The following CUX2 variants were observed in gnomAD, a reference collection of about 807,000 sequenced individuals.
CUX2 encodes the protein homeobox protein cut-like 2.
A neutral mutation model predicts 144.8 loss-of-function variants in CUX2; 40 were observed. That is an observed-to-expected ratio of 0.28 (90% CI 0.21 to 0.36). CUX2 has a LOEUF of 0.36. CUX2 is among the 10% of genes least tolerant of loss of function. CUX2 has a pLI of 1.00. For missense variants in CUX2, 1,615 were observed against 1,994.0 expected (o/e 0.81, Z 3.62); for synonymous variants, 827 against 875.6 (o/e 0.94, Z 0.98).
chr12:111,334,417 C>T, intron 18 of CUX2, 24 bp from the exon 19 acceptor site: 1 of 1,551,376 alleles, frequency 6.4e-7, no homozygotes, highest in Non-Finnish European at 8.7e-7. Flanking sequence ...TAGTAACCAC[C>T]TTCTCTTTCT....
intron 1 of CUX2, among the ~76,000 whole-genome samples, chr12:111,058,676 C>T (rs1026782627): frequency 6.6e-6 from 1 of 152,146 alleles, no homozygotes; most frequent in African/African-American, 2.4e-5. Context: ...TTTTAGTGCA[C>T]CCTTGCAGAT....
Position 111,186,144 on chromosome 12 carries a change from A to G in CUX2, c.64-28056A>G, listed in dbSNP as rs116927390. ...TTTCGCTTTCACGTCCTCTCTCGGC[A>G]TTTCTCCTCTTTCCCACTCTCGGCA... On this transcript the variant is annotated intron_variant, in intron 1 of 21. Coordinates refer to ENST00000261726, the MANE Select transcript of CUX2 (RefSeq NM_015267.4). The surrounding 1 kb of genome is among the most constrained non-coding windows in gnomAD (Gnocchi z 4.4). 0.013 allele frequency among the ~76,000 whole-genome samples: 1,944 copies of G among 149,392 alleles called. 36 individuals carry two copies. Among genetic ancestry groups the G allele is most frequent in the Non-Finnish European group, 0.017 (1,150 of 67,670 alleles).
chr12:111,321,839 C>T (rs112767176), intron 17 of CUX2, among the ~76,000 whole-genome samples: 61 of 152,000 alleles, frequency 4.0e-4, no homozygotes, highest in African/African-American at 1.4e-3. Context: ...CAGGCAAGCT[C>T]GGAGGAGGGA....
At chr12:111,228,773 G>A (rs1882311773) in intron 3 of CUX2, among the ~76,000 whole-genome samples, 1 of 152,110 alleles carries the variant, frequency 6.6e-6, no homozygotes, top group African/African-American at 2.4e-5. Flanking sequence ...AATTCTGTGT[G>A]TCAGCAGACC....
chr12:111,061,561 C>G lies in CUX2; in HGVS notation c.63+27321C>G, dbSNP rs1870774937. On this transcript the variant is annotated intron_variant, in intron 1 of 21. Transcript: ENST00000261726. The surrounding 1 kb of genome is among the most constrained non-coding windows in gnomAD (Gnocchi z 4.2). ...ACACCCTTTGGCATGGTGTGTGTTT[C>G]TGTCTACACCCTCGTCCTGCTTTGC... Among the ~76,000 whole-genome samples, 1 of 152,196 alleles carries G rather than the reference C, an allele frequency of 6.6e-6. No homozygotes were observed. The highest frequency in any genetic ancestry group is 2.1e-4 in the South Asian group (1 of 4,826).
chr12:111,073,470 T>C (rs1871347314), intron 1 of CUX2, among the ~76,000 whole-genome samples: 1 of 152,096 alleles, frequency 6.6e-6, no homozygotes, highest in African/African-American at 2.4e-5. Context: ...CATTTGTTCA[T>C]TACTGTCTTT....
intron 1 of CUX2, among the ~76,000 whole-genome samples, chr12:111,182,112 G>A (rs2136182150): frequency 6.6e-6 from 1 of 152,206 alleles, no homozygotes; most frequent in East Asian, 1.9e-4. Context: ...GGCAGGGTCG[G>A]GGGATAAAAA....
chr12:111,211,886 C>CAAA (rs1169597609), intron 1 of CUX2, among the ~76,000 whole-genome samples: 7 of 84,662 alleles, frequency 8.3e-5, no homozygotes, highest in African/African-American at 2.0e-4. Context: ...GACTCCGTCT[C>CAAA]AAAAAAAAAA....
At chr12:111,345,858 C>T (rs1477730771) in intron 21 of CUX2, among the ~76,000 whole-genome samples, 1 of 147,266 alleles carries the variant, frequency 6.8e-6, no homozygotes, top group Non-Finnish European at 1.5e-5. Context: ...ACCTGTAATC[C>T]CAACACTTTG....
At chr12:111,152,209 C>T (rs561576627) in intron 1 of CUX2, among the ~76,000 whole-genome samples, 5 of 152,070 alleles carry the variant, frequency 3.3e-5, no homozygotes, top group Non-Finnish European at 4.4e-5. Context: ...CACTTGAACC[C>T]GAGAGGTGGA....
intron 1 of CUX2, among the ~76,000 whole-genome samples, chr12:111,114,430 T>G (rs1874168880): frequency 6.6e-6 from 1 of 152,196 alleles, no homozygotes; most frequent in Non-Finnish European, 1.5e-5. Flanking sequence ...TGCCCATTGT[T>G]TAGTTGGGTT....
intron 3 of CUX2, among the ~76,000 whole-genome samples, chr12:111,227,099 T>G (rs892290852): frequency 1.3e-5 from 2 of 152,160 alleles, no homozygotes. Context: ...CTTGCAGTCC[T>G]GCATTTATCT....
At chr12:111,144,850 T>A (rs1009587902) in intron 1 of CUX2, among the ~76,000 whole-genome samples, 4 of 152,128 alleles carry the variant, frequency 2.6e-5, no homozygotes, top group Admixed American at 2.6e-4. Context: ...TGGAAGACTG[T>A]GGGCCGGGCA....
chr12:111,106,854 G>C (rs2136076775), intron 1 of CUX2, among the ~76,000 whole-genome samples: 1 of 152,336 alleles, frequency 6.6e-6, no homozygotes, highest in East Asian at 1.9e-4. Flanking sequence ...TTATGGCCGG[G>C]AGAGGAAAGA....
At chr12:111,104,263 C>G (rs1239440085) in intron 1 of CUX2, among the ~76,000 whole-genome samples, 2 of 152,158 alleles carry the variant, frequency 1.3e-5, no homozygotes, top group African/African-American at 4.8e-5. Flanking sequence ...GCCTTTCACT[C>G]TTCCCCCCTC....
chr12:111,251,372 G>A (rs916653695), intron 3 of CUX2, among the ~76,000 whole-genome samples: 8 of 152,152 alleles, frequency 5.3e-5, no homozygotes, highest in Admixed American at 1.3e-4. Flanking sequence ...GGAACTGAGC[G>A]ATTATATTAG....
intron 1 of CUX2, among the ~76,000 whole-genome samples, chr12:111,082,130 A>T (rs971481422): frequency 3.3e-5 from 5 of 152,208 alleles, no homozygotes; most frequent in African/African-American, 1.2e-4. Context: ...TCAACCTTCT[A>T]CAAAAGGACA....
intron 2 of CUX2, among the ~76,000 whole-genome samples, chr12:111,216,545 C>T (rs960988462): frequency 1.2e-4 from 18 of 152,204 alleles, no homozygotes; most frequent in East Asian, 3.8e-4. Flanking sequence ...CCAGAGGTTC[C>T]GTGCTCATGC....
At chr12:111,284,329 C>T (rs55714342) in intron 4 of CUX2, among the ~76,000 whole-genome samples, 3 of 152,110 alleles carry the variant, frequency 2.0e-5, no homozygotes, top group Admixed American at 2.0e-4. Context: ...GCAGCAGGAC[C>T]GAGGGCAGCC....
Sources: allele counts gnomAD v4.1 joint callset (sites outside exome capture counted in the v4.1 genomes callset), GRCh38; gene constraint gnomAD v4.1.1; non-coding constraint Gnocchi (gnomAD v3.1); transcripts MANE v1.5; gene names NCBI Gene and HGNC (gene_info 2026-07-23, HGNC 2026-07-21).